SEC14L1: variants seen among roughly 807,000 people sequenced by gnomAD.
SEC14L1 encodes the protein SEC14 like lipid binding 1.
In SEC14L1, 48 loss-of-function variants were observed where a neutral mutation model predicts 85.3. That is an observed-to-expected ratio of 0.56 (90% confidence interval 0.45 to 0.72). The LOEUF is 0.72. Ranked by LOEUF, SEC14L1 falls within the 30% of genes least tolerant of loss-of-function variation. The pLI is 0.00. For missense variants in SEC14L1, 682 were observed against 921.4 expected, an observed-to-expected ratio of 0.74 and a Z score of 3.36; for synonymous variants, 391 against 355.5, an observed-to-expected ratio of 1.10 and a Z score of -1.12.
chr17:77,130,650 C>T (rs565585616), intron 3 of SEC14L1, among the ~76,000 whole-genome samples: 1 of 152,008 alleles, frequency 6.6e-6, no homozygotes, highest in East Asian at 1.9e-4. Context: ...GACAGGTTCT[C>T]GTTCTGTCAC....
chr17:77,192,602 C>G (rs1302312956), intron 5 of SEC14L1, among the ~76,000 whole-genome samples: 4 of 152,092 alleles, frequency 2.6e-5, no homozygotes, highest in Non-Finnish European at 4.4e-5. Context: ...CTCAGGTCAC[C>G]CCTTCTTGGC....
Position 77,216,514 on chromosome 17 carries a change from T to A in SEC14L1, c.*2491T>A. The A allele has an allele frequency of 2.5e-6, 4 of 1,613,078 alleles. No homozygotes were observed. Among genetic ancestry groups the A allele is most frequent in the Non-Finnish European group, 2.5e-6 (3 of 1,179,352 alleles). ...CCAAATCACAAGGGCCTGAAGGTGG[T>A]CCCTGCTTTCTCTTTCTCTTTCTCT... On this transcript the variant is annotated 3_prime_UTR_variant, in exon 17 of 17. Coordinates refer to ENST00000436233, the MANE Select transcript of SEC14L1 (RefSeq NM_001143998.2).
intron 3 of SEC14L1, among the ~76,000 whole-genome samples, chr17:77,175,406 C>T (rs1974709285): frequency 6.6e-6 from 1 of 152,174 alleles, no homozygotes; most frequent in South Asian, 2.1e-4. Flanking sequence ...GGCGTGAAAG[C>T]AGGGATACAG....
At position 77,142,668 on chromosome 17, in the gene SEC14L1, A is replaced by T. The variant is rs757782727; in HGVS notation, c.-113A>T. On this transcript the variant is annotated 5_prime_UTR_variant, in exon 2 of 17. Transcript: ENST00000436233. ...CAGCTAGACTTCGGGCTCCTTGAGG[A>T]TATTCAGTTTTGTATGTTTGAATAT... 1.3e-5 allele frequency: 2 copies of T among 150,860 alleles called. No individual in the cohort carries two copies. Among genetic ancestry groups the T allele is most frequent in the Non-Finnish European group, 2.9e-5 (2 of 67,854 alleles). 9.3% of individuals were successfully genotyped at this position (150,860 alleles called of 1,614,324 possible).
chr17:77,189,806 C>G (rs928979308), intron 3 of SEC14L1, among the ~76,000 whole-genome samples: 3 of 151,906 alleles, frequency 2.0e-5, no homozygotes, highest in Non-Finnish European at 4.4e-5. Flanking sequence ...TTTTTTGTAT[C>G]TTTAGTAGAG....
At chr17:77,140,486 C>G (rs1002292999), upstream of SEC14L1, among the ~76,000 whole-genome samples, 3 of 152,238 alleles carry the variant, frequency 2.0e-5, no homozygotes, top group African/African-American at 7.2e-5. Flanking sequence ...AATGAGGAAG[C>G]ACGGGGGCAG....
chr17:77,141,330 C>CCCCCCT (rs1297779101), intron 1 of SEC14L1: 1 of 125,528 alleles, frequency 8.0e-6, no homozygotes, highest in Non-Finnish European at 1.7e-5. Flanking sequence ...CCGCCCCTCG[C>CCCCCCT]CCCCCTCCCC....
In SEC14L1 at chr17:77,216,480, T is replaced by G; in HGVS notation, c.*2457T>G. 6.2e-7 allele frequency: 1 copy of G among 1,612,550 alleles called. No individual in the cohort carries two copies. ...CGTCTGTGCTGCTTCCACCTGGTGC[T>G]TCCTGTTCCCAAATCACAAGGGCCT... On this transcript the variant is annotated 3_prime_UTR_variant, in exon 17 of 17. Coordinates refer to ENST00000436233, the MANE Select transcript of SEC14L1 (RefSeq NM_001143998.2).
Position 77,216,698 on chromosome 17 carries a change from C to T in SEC14L1, c.*2675C>T. 1 of 1,511,152 alleles carries T rather than the reference C, an allele frequency of 6.6e-7. No individual in the cohort carries two copies. 93.6% of individuals were successfully genotyped at this position (1,511,152 alleles called of 1,614,324 possible). On this transcript the variant is annotated 3_prime_UTR_variant, in exon 17 of 17. Coordinates refer to ENST00000436233, the MANE Select transcript of SEC14L1 (RefSeq NM_001143998.2). Reference sequence around the variant, plus strand: ...TCTTTTTAAGTTGATTCGGGAGTGGCATTCTTTTATACCCAAAGACTGTAG... The same window carrying T: ...TCTTTTTAAGTTGATTCGGGAGTGGTATTCTTTTATACCCAAAGACTGTAG...
intron 3 of SEC14L1, among the ~76,000 whole-genome samples, chr17:77,118,676 G>A (rs1253762444): frequency 6.6e-6 from 1 of 152,226 alleles, no homozygotes; most frequent in East Asian, 1.9e-4. Flanking sequence ...TCTAAGTCAA[G>A]GTTATAATTA....
intron 3 of SEC14L1, among the ~76,000 whole-genome samples, chr17:77,122,046 A>AT (rs763780120): frequency 6.6e-6 from 1 of 152,200 alleles, no homozygotes; most frequent in Non-Finnish European, 1.5e-5. Context: ...TGGGGCAAAC[A>AT]TTCCCAGAAT....
At chr17:77,184,348 G>A (rs1975173283) in intron 3 of SEC14L1, among the ~76,000 whole-genome samples, 1 of 152,158 alleles carries the variant, frequency 6.6e-6, no homozygotes, top group Admixed American at 6.5e-5. Context: ...CCTTACGTTA[G>A]CATTCATTGA....
Position 77,216,396 on chromosome 17 carries a change from AGTAG to A in SEC14L1, c.*2379_*2382del. 2.5e-6 allele frequency: 3 copies of A among 1,201,550 alleles called. No individual in the cohort carries two copies. Among genetic ancestry groups the A allele is most frequent in the Non-Finnish European group, 1.1e-6 (1 of 931,438 alleles). The allele number at this position is 1,201,550 out of a possible 1,614,324, so 74.4% of individuals were successfully genotyped here. On this transcript the variant is annotated 3_prime_UTR_variant, in exon 17 of 17. Transcript: ENST00000436233. The stretch of plus-strand genomic sequence containing the variant: ...GTAGGTAGGGCTAGTAGGTAGGGCT[AGTAG>A]GTAGGGTTCGTAGGTAGGGTTCGTA...
chr17:77,192,285 A>G lies in SEC14L1; in HGVS notation c.345+973A>G, dbSNP rs117134971. ...GATTTTTAGAATACTCTCCTGACAG[A>G]TTGCTGTATTTCTGCCCTTCTCCCC... On this transcript the variant is annotated intron_variant, in intron 5 of 16. Transcript: ENST00000436233. Among the ~76,000 whole-genome samples, 1,013 of 152,304 alleles carry G rather than the reference A, an allele frequency of 6.7e-3. 10 individuals carry two copies. The highest frequency in any genetic ancestry group is 0.012 in the Non-Finnish European group (805 of 68,032).
intron 3 of SEC14L1, 152 bp from the exon 4 acceptor site, chr17:77,190,651 C>G (rs1470678434): frequency 4.3e-6 from 3 of 692,336 alleles, no homozygotes; most frequent in African/African-American, 1.8e-5. Flanking sequence ...GTGTCTTTTT[C>G]TTCTTTAATG....
intron 3 of SEC14L1, among the ~76,000 whole-genome samples, chr17:77,119,284 G>C (rs1163180950): frequency 4.7e-5 from 7 of 150,346 alleles, no homozygotes; most frequent in Non-Finnish European, 7.4e-5. Flanking sequence ...CTCCAGCCTG[G>C]GTGACAGAGT....
chr17:77,211,856 C>T lies in SEC14L1; in HGVS notation c.1612-94C>T, dbSNP rs1044270072. 4.6e-6 allele frequency: 7 copies of T among 1,520,464 alleles called. No individual in the cohort carries two copies. In the Admixed American group the frequency reaches 1.3e-4, roughly 27 times the overall value. 94.2% of individuals were successfully genotyped at this position (1,520,464 alleles called of 1,614,324 possible). A position where few individuals can be genotyped will look rare whatever the true frequency, so the allele number is the denominator to read the frequency against. ...GCGTTTCCCTCCCCAGCTTCAGCAC[C>T]TGCACCCTGGATCCCCTGGAGAGCA... On this transcript the variant is annotated intron_variant, in intron 14 of 16. Transcript: ENST00000436233.
chr17:77,180,482 G>A (rs1974983463), intron 3 of SEC14L1, among the ~76,000 whole-genome samples: 1 of 152,192 alleles, frequency 6.6e-6, no homozygotes, highest in Non-Finnish European at 1.5e-5. Flanking sequence ...GCAGTGGCGT[G>A]ATCATGGCTC....
At chr17:77,208,557 C>G (rs775273568) in intron 13 of SEC14L1, among the ~76,000 whole-genome samples, 1 of 152,212 alleles carries the variant, frequency 6.6e-6, no homozygotes, top group Non-Finnish European at 1.5e-5. Flanking sequence ...CTCTCCTGAG[C>G]TGCTGTTGAG....
Sources: allele counts gnomAD v4.1 joint callset (sites outside exome capture counted in the v4.1 genomes callset), GRCh38; gene constraint gnomAD v4.1.1; transcripts MANE v1.5; gene names NCBI Gene and HGNC (gene_info 2026-07-23, HGNC 2026-07-21).